The following GRAP2 variants were observed in gnomAD, a reference collection of about 807,000 sequenced individuals.
GRAP2 encodes the protein GRB2 related adaptor protein 2, also known as GRB2-related adapter protein 2.
Under a neutral mutation model 43.5 loss-of-function variants are expected in GRAP2, and 31 were observed. The ratio of observed to expected loss-of-function variants is 0.71; its 90% CI spans 0.54 to 0.96. The LOEUF is 0.96. Ranked by LOEUF, GRAP2 falls within the 40% of genes least tolerant of loss-of-function variation. The pLI, the probability that GRAP2 is intolerant of heterozygous loss-of-function variation, is 0.00. For missense variants in GRAP2, 371 were observed against 424.4 expected, an observed-to-expected ratio of 0.87 and a Z score of 1.11; for synonymous variants, 156 against 164.8, an observed-to-expected ratio of 0.95 and a Z score of 0.41.
intron 1 of GRAP2, among the ~76,000 whole-genome samples, chr22:39,917,277 C>T (rs2145583468): frequency 6.6e-6 from 1 of 152,310 alleles, no homozygotes; most frequent in South Asian, 2.1e-4. Flanking sequence ...GTTTCTCTTC[C>T]TTCATCAGCA....
chr22:39,966,820 A>G (rs926893760), intron 5 of GRAP2, among the ~76,000 whole-genome samples: 1 of 152,240 alleles, frequency 6.6e-6, no homozygotes, highest in African/African-American at 2.4e-5. Flanking sequence ...TTAAGAAACC[A>G]TCTGAGTATC....
At chr22:39,953,658 G>A (rs1395992052) in intron 2 of GRAP2, among the ~76,000 whole-genome samples, 1 of 152,198 alleles carries the variant, frequency 6.6e-6, no homozygotes, top group Admixed American at 6.5e-5. Flanking sequence ...TGTCCAGGCT[G>A]TAGTACAGTG....
chr22:39,903,295 G>A (rs1182455098), intron 1 of GRAP2, among the ~76,000 whole-genome samples: 8 of 152,130 alleles, frequency 5.3e-5, no homozygotes, highest in Admixed American at 2.6e-4. Context: ...CAATAGGGTC[G>A]CTAGGTCCCC....
rs2067259820 is a variant in GRAP2, at chr22:39,972,852, G to A, written c.*1768G>A. 6.5e-6 allele frequency: 1 copy of A among 153,070 alleles called. No homozygotes were observed. Among genetic ancestry groups the A allele is most frequent in the Non-Finnish European group, 1.5e-5 (1 of 68,166 alleles). 9.5% of individuals were successfully genotyped at this position (153,070 alleles called of 1,614,324 possible). ...CTTTTGGAAGTGAAAGCAGAGAGAG[G>A]GAAAGGTAGCTAAGACATCCAGGAG... On this transcript the variant is annotated 3_prime_UTR_variant, in exon 8 of 8. Coordinates refer to ENST00000344138, the MANE Select transcript of GRAP2 (RefSeq NM_004810.4).
At chr22:39,964,144 T>C (rs2067146773) in intron 4 of GRAP2, 1 of 483,268 alleles carries the variant, frequency 2.1e-6, no homozygotes, top group Admixed American at 3.8e-5. Context: ...TAAATGTATG[T>C]CTGTTTGAAA....
chr22:39,956,489 T>A (rs867667030), intron 3 of GRAP2, among the ~76,000 whole-genome samples: 105 of 150,404 alleles, frequency 7.0e-4, no homozygotes, highest in African/African-American at 2.5e-3. Flanking sequence ...TGGGTTTTTT[T>A]ATTCATGTGT....
chr22:39,899,544 G>A (rs1175327957), upstream of GRAP2, among the ~76,000 whole-genome samples: 5 of 150,080 alleles, frequency 3.3e-5, no homozygotes, highest in Non-Finnish European at 5.9e-5. Context: ...TCAAGGTTGA[G>A]ACGTTATTAT....
Position 39,970,946 on chromosome 22 carries a change from G to A in GRAP2, c.855G>A (p.Leu285=), listed in dbSNP as rs766115431. The A allele has an allele frequency of 6.2e-7, 1 of 1,613,438 alleles. No homozygotes were observed. The highest frequency in any genetic ancestry group is 2.2e-5 in the East Asian group (1 of 44,850). The part of the protein sequence containing the change: ...WARALYDFEA[L]EDDELGFHSG... ...GGGCGCTGTATGACTTTGAGGCCCT[G>A]GAGGATGACGAGCTGGGGTTCCACA... is the stretch of plus-strand genomic sequence containing the variant. Residue 285 remains leucine (L), a synonymous_variant, in exon 8 of 8, where the codon CTG becomes CTA. Coordinates refer to ENST00000344138, the MANE Select transcript of GRAP2 (RefSeq NM_004810.4).
In GRAP2 at chr22:39,972,530, T is replaced by C. The variant is rs2067256102; in HGVS notation, c.*1446T>C. On this transcript the variant is annotated 3_prime_UTR_variant, in exon 8 of 8. Coordinates refer to ENST00000344138, the MANE Select transcript of GRAP2 (RefSeq NM_004810.4). Reference sequence around the variant, plus strand: ...TGAGACAGGAAAGGGGGTGAAAGTGTTGGTGAGGGAGCCTGGAAGTTTTCT... The same window carrying C: ...TGAGACAGGAAAGGGGGTGAAAGTGCTGGTGAGGGAGCCTGGAAGTTTTCT... The C allele has an allele frequency of 6.6e-6, 1 of 152,236 alleles. No individual in the cohort carries two copies. Among genetic ancestry groups the C allele is most frequent in the Non-Finnish European group, 1.5e-5 (1 of 68,056 alleles). 9.4% of individuals were successfully genotyped at this position (152,236 alleles called of 1,614,324 possible).
chr22:39,905,697 C>T (rs911649927), intron 1 of GRAP2, among the ~76,000 whole-genome samples: 7 of 152,064 alleles, frequency 4.6e-5, no homozygotes, highest in Admixed American at 1.3e-4. Flanking sequence ...TAATAATACC[C>T]TTTTTTCACA....
rs988734941 is a variant in GRAP2 at position 39,971,654 on chromosome 22, C to G, written c.*570C>G. 6.6e-6 allele frequency: 1 copy of G among 152,420 alleles called. No individual in the cohort carries two copies. The highest frequency in any genetic ancestry group is 1.5e-5 in the Non-Finnish European group (1 of 68,226). 9.4% of individuals were successfully genotyped at this position (152,420 alleles called of 1,614,324 possible). A position where few individuals can be genotyped will look rare whatever the true frequency, so the allele number is the denominator to read the frequency against. ...TCTGAGCGGGGATGTGAAGGCAGGA[C>G]GGGGTTGGAGAGACCCTGCCTGTGC... On this transcript the variant is annotated 3_prime_UTR_variant, in exon 8 of 8. Coordinates refer to ENST00000344138, the MANE Select transcript of GRAP2 (RefSeq NM_004810.4).
intron 1 of GRAP2, among the ~76,000 whole-genome samples, chr22:39,931,075 G>T (rs1397416466): frequency 6.6e-6 from 1 of 152,174 alleles, no homozygotes; most frequent in Admixed American, 6.5e-5. Flanking sequence ...AACTGTCTGA[G>T]GTCTTAAGAT....
chr22:39,917,039 G>C (rs1480231979), intron 1 of GRAP2, among the ~76,000 whole-genome samples: 3 of 152,160 alleles, frequency 2.0e-5, no homozygotes, highest in Non-Finnish European at 4.4e-5. Context: ...GCTTCCAATT[G>C]CTTCTCTTTG....
chr22:39,946,325 TC>T (rs1194708266), intron 1 of GRAP2, among the ~76,000 whole-genome samples: 1 of 152,168 alleles, frequency 6.6e-6, no homozygotes, highest in Non-Finnish European at 1.5e-5. Context: ...TACCATTACA[TC>T]CCCGCTGCCT....
At chr22:39,960,412 C>T (rs2067106477) in intron 4 of GRAP2, 2 of 467,022 alleles carry the variant, frequency 4.3e-6, no homozygotes, top group South Asian at 3.3e-5. Context: ...ATCTGCCTCC[C>T]CTTCTAGCCC....
chr22:39,901,397 T>A (rs1041512985), intron 1 of GRAP2, 67 bp downstream of exon 1: 8 of 527,616 alleles, frequency 1.5e-5, no homozygotes, highest in Non-Finnish European at 2.7e-5. Context: ...ATTTGCAGAA[T>A]GTTCTGTATG....
chr22:39,966,195 T>A, intron 5 of GRAP2, 37 bp downstream of exon 5: 2 of 1,574,648 alleles, frequency 1.3e-6, no homozygotes, highest in Non-Finnish European at 1.7e-6. Context: ...ATCTAGAGAT[T>A]TTAGGCAGCC....
intron 1 of GRAP2, among the ~76,000 whole-genome samples, chr22:39,929,648 C>T (rs2066737889): frequency 1.3e-5 from 2 of 152,194 alleles, no homozygotes; most frequent in Non-Finnish European, 2.9e-5. Context: ...TCCCTGCTGT[C>T]TCCAAAGGTT....
intron 1 of GRAP2, among the ~76,000 whole-genome samples, chr22:39,904,871 C>T (rs774758159): frequency 4.6e-5 from 7 of 152,174 alleles, no homozygotes; most frequent in Non-Finnish European, 1.0e-4. Context: ...TTTCTGAATT[C>T]GTTGTTGCCT....
Sources: allele counts gnomAD v4.1 joint callset (sites outside exome capture counted in the v4.1 genomes callset), GRCh38; gene constraint gnomAD v4.1.1; transcripts MANE v1.5; gene names NCBI Gene and HGNC (gene_info 2026-07-23, HGNC 2026-07-21).